PPCS: variants seen among roughly 807,000 people sequenced by gnomAD.
The protein encoded by PPCS is phosphopantothenate--cysteine ligase.
In PPCS, 17 loss-of-function variants were observed where a neutral mutation model predicts 24.6. The observed-to-expected ratio is 0.69, with a 90% CI of 0.47 to 1.04. The LOEUF (loss-of-function observed/expected upper bound fraction) is 1.04. Ranked by LOEUF, PPCS falls within the 50% of genes least tolerant of loss-of-function variation. The pLI, the probability that PPCS is intolerant of heterozygous loss-of-function variation, is 0.00. For synonymous variants in PPCS, 190 were observed against 168.3 expected (o/e 1.13, Z -1.00); for missense variants, 360 against 402.8 (o/e 0.89, Z 0.91).
At chr1:42,463,379 G>A (rs1446738644), downstream of PPCS, 1 of 152,256 alleles carries the variant, frequency 6.6e-6, no homozygotes, top group Non-Finnish European at 1.5e-5. Context: ...CCCTCCGCAG[G>A]AAAATTTCCG....
intron 1 of PPCS, 38 bp downstream of exon 1, chr1:42,457,111 C>G (rs757057266): frequency 6.3e-7 from 1 of 1,575,436 alleles, no homozygotes; most frequent in Non-Finnish European, 8.6e-7. Flanking sequence ...CCTGGAAGCA[C>G]AGCCTTTCTT....
At chr1:42,473,232 G>A in exon 3 of PPCS, 1 of 1,231,566 alleles carries the variant, frequency 8.1e-7, no homozygotes, top group Admixed American at 4.2e-5. Flanking sequence ...CCAGCACAGT[G>A]AAGACAGGCT....
chr1:42,456,601 G>A lies in PPCS; in HGVS notation c.36G>A (p.Gln12=), dbSNP rs72950587. Residue 12 remains glutamine (Q), a synonymous_variant, in exon 1 of 3, where the codon CAG becomes CAA. Coordinates refer to ENST00000372561, the MANE Select transcript of PPCS (RefSeq NM_024664.4). ...TGGATCCGGTAGCCGAGTTCCCCCAGCCTCCCGGTGCTGCGCGCTGGGCTG... is the reference window on the plus strand; with the variant it reads ...TGGATCCGGTAGCCGAGTTCCCCCAACCTCCCGGTGCTGCGCGCTGGGCTG... ...AEMDPVAEFP[Q]PPGAARWAEV... 4,033 of 1,513,260 alleles carry A rather than the reference G, an allele frequency of 2.7e-3. 94 individuals carry two copies. In the African/African-American group the frequency reaches 0.052, roughly 19 times the overall value. 93.7% of individuals were successfully genotyped at this position (1,513,260 alleles called of 1,614,324 possible).
downstream of PPCS, among the ~76,000 whole-genome samples, chr1:42,461,853 T>C (rs1039799414): frequency 4.1e-4 from 62 of 152,130 alleles, 1 homozygote; most frequent in Non-Finnish European, 1.2e-4. Flanking sequence ...CCACCCAGGC[T>C]CCTTTGACAA....
chr1:42,464,229 CATT>C (rs1244862973), downstream of PPCS: 1 of 151,938 alleles, frequency 6.6e-6, no homozygotes, highest in East Asian at 1.9e-4. Flanking sequence ...TAAATATAAA[CATT>C]AAATACTGTA....
At chr1:42,473,238 A>T in exon 3 of PPCS, 1 of 1,231,578 alleles carries the variant, frequency 8.1e-7, no homozygotes, top group Non-Finnish European at 1.0e-6. Context: ...CAGTGAAGAC[A>T]GGCTGAGGAC....
chr1:42,456,498 A>C (rs974734176), upstream of PPCS: 23 of 1,408,074 alleles, frequency 1.6e-5, no homozygotes, highest in African/African-American at 3.1e-4. Flanking sequence ...CGCGTACACC[A>C]GGTAGGCGAG....
chr1:42,464,060 T>C (rs1328458976), downstream of PPCS: 2 of 152,294 alleles, frequency 1.3e-5, no homozygotes, highest in Admixed American at 6.5e-5. Flanking sequence ...CTGTCATCTA[T>C]AGACCACCTC....
In PPCS at chr1:42,460,124, T is replaced by G; in HGVS notation, c.*198T>G. 7 of 1,340,246 alleles carry G rather than the reference T, an allele frequency of 5.2e-6. No individual in the cohort carries two copies. Among genetic ancestry groups the G allele is most frequent in the Non-Finnish European group, 6.7e-6 (7 of 1,050,088 alleles). 83.0% of individuals were successfully genotyped at this position (1,340,246 alleles called of 1,614,324 possible). On this transcript the variant is annotated 3_prime_UTR_variant, in exon 3 of 3. Coordinates refer to ENST00000372561, the MANE Select transcript of PPCS (RefSeq NM_024664.4). Reference sequence around the variant, plus strand: ...TCATTTTGATTTTGAAATTGAACACTAGAACTGTTAATCACCTTTAAAAAG... The same window carrying G: ...TCATTTTGATTTTGAAATTGAACACGAGAACTGTTAATCACCTTTAAAAAG...
At chr1:42,469,439 C>T (rs1175525704) in intron 2 of PPCS, among the ~76,000 whole-genome samples, 1 of 152,090 alleles carries the variant, frequency 6.6e-6, no homozygotes, top group Admixed American at 6.5e-5. Context: ...GCACAGAAGC[C>T]ACAGTATAGG....
downstream of PPCS, chr1:42,464,068 C>T (rs556385054): frequency 6.6e-4 from 100 of 152,370 alleles, no homozygotes; most frequent in African/African-American, 2.4e-3. Flanking sequence ...TATAGACCAC[C>T]TCCTTCTGCT....
intron 2 of PPCS, among the ~76,000 whole-genome samples, chr1:42,469,027 A>C (rs1322315780): frequency 6.6e-6 from 1 of 152,124 alleles, no homozygotes; most frequent in Admixed American, 6.6e-5. Context: ...GAATTAAAAA[A>C]AAAAAAACTT....
Position 42,460,286 on chromosome 1 carries a change from T to C in PPCS, c.*360T>C. On this transcript the variant is annotated 3_prime_UTR_variant, in exon 3 of 3. Coordinates refer to ENST00000372561, the MANE Select transcript of PPCS (RefSeq NM_024664.4). ...AGATCAAATATTGGTTGAATGCCTA[T>C]GTATGTCAGGCCCTGTGCTGAGCCA... The C allele has an allele frequency of 9.9e-7, 1 of 1,008,908 alleles. No individual in the cohort carries two copies. Among genetic ancestry groups the C allele is most frequent in the Non-Finnish European group, 1.2e-6 (1 of 842,248 alleles). The allele number at this position is 1,008,908 out of a possible 1,614,324, so 62.5% of individuals were successfully genotyped here.
At chr1:42,471,635 C>T (rs1001849529) in intron 2 of PPCS, among the ~76,000 whole-genome samples, 38 of 152,178 alleles carry the variant, frequency 2.5e-4, no homozygotes, top group Middle Eastern at 3.4e-3. Flanking sequence ...TGCTCAAAGA[C>T]CTTGTAGGGA....
At position 42,457,014 on chromosome 1, in the gene PPCS, C is replaced by G. The variant is rs892177460; in HGVS notation, c.449C>G (p.Thr150Ser). The change falls in exon 1 of 3, where the codon ACC becomes AGC. Residue 150 changes from threonine to serine, a missense_variant. Thr to Ser is a moderately conservative substitution (Grantham distance 58). This residue lies in a region of PPCS where 244 missense variants were observed against 234.7 expected (regional missense o/e 1.04). Coordinates refer to ENST00000372561, the MANE Select transcript of PPCS (RefSeq NM_024664.4). ...GGCACCTTCCTGGCAGTAGAGTTCA[C>G]CACTTTGGCGGACTATTTGCATCTG... ...AAGTFLAVEFTTLADYLHLLQ... is the reference protein window; with the variant it reads ...AAGTFLAVEFSTLADYLHLLQ... The G allele has an allele frequency of 1.2e-6, 2 of 1,601,904 alleles. No individual in the cohort carries two copies. The highest frequency in any genetic ancestry group is 2.7e-5 in the African/African-American group (2 of 74,908).
chr1:42,457,162 C>T lies in PPCS; in HGVS notation c.509-85C>T. The stretch of plus-strand genomic sequence containing the variant: ...CCTTACCTCCTGCTTACCCACGGAT[C>T]TCAGCTGGGGAACCCGAGTTGAGAA... On this transcript the variant is annotated intron_variant, in intron 1 of 2. Transcript: ENST00000372561. 3 of 1,598,050 alleles carry T rather than the reference C, an allele frequency of 1.9e-6. No individual in the cohort carries two copies. The Admixed American group carries it at 5.1e-5, about 27-fold the overall frequency.
At chr1:42,470,488 G>A (rs1643733468) in intron 2 of PPCS, among the ~76,000 whole-genome samples, 1 of 152,094 alleles carries the variant, frequency 6.6e-6, no homozygotes, top group Admixed American at 6.5e-5. Flanking sequence ...ATTGAAAACA[G>A]GGATTCAAAT....
Position 42,456,579 on chromosome 1 carries a change from A to T in PPCS, c.14A>T (p.Asp5Val), listed in dbSNP as rs1438766858. 6.7e-7 allele frequency: 1 copy of T among 1,487,996 alleles called. No individual in the cohort carries two copies. The highest frequency in any genetic ancestry group is 8.9e-7 in the Non-Finnish European group (1 of 1,120,856). 92.2% of individuals were successfully genotyped at this position (1,487,996 alleles called of 1,614,324 possible). A position where few individuals can be genotyped will look rare whatever the true frequency, so the allele number is the denominator to read the frequency against. ...GCTGCGCTGCAGATGGCGGAAATGG[A>T]TCCGGTAGCCGAGTTCCCCCAGCCT... MAEM[D>V]PVAEFPQPPG... The change falls in exon 1 of 3, where the codon GAT becomes GTT. Residue 5 changes from aspartate to valine, a missense_variant. Around this residue, in one of 2 missense-constraint regions of PPCS, gnomAD observed 244 missense variants for 234.7 expected, o/e 1.04. Transcript: ENST00000372561.
rs7524895 is a variant in PPCS at position 42,456,874 on chromosome 1, C to T, written c.309C>T (p.Ser103=). 1.2e-5 allele frequency: 20 copies of T among 1,613,214 alleles called. No individual in the cohort carries two copies. Among genetic ancestry groups the T allele is most frequent in the Non-Finnish European group, 1.6e-5 (19 of 1,180,044 alleles). ...GCTTCCCACCCCAGACTTGGCTGTCCGCTCTGCGGCCTTCGGGCCCAGCCC... is the reference window on the plus strand; with the variant it reads ...GCTTCCCACCCCAGACTTGGCTGTCTGCTCTGCGGCCTTCGGGCCCAGCCC... ...AHRFPPQTWL[S]ALRPSGPALS... is the part of the protein sequence containing the mutation. The change falls in exon 1 of 3, where the codon TCC becomes TCT. Residue 103 remains serine, a synonymous_variant. Transcript: ENST00000372561.
Sources: gnomAD v4.1 joint callset for allele counts (sites outside exome capture counted in the v4.1 genomes callset) on GRCh38, gnomAD v4.1.1 for gene constraint, gnomAD v4.1.1 regional missense constraint, MANE v1.5 for transcripts, NCBI Gene and HGNC (gene_info 2026-07-23, HGNC 2026-07-21) for gene names.